RAPGEF1: variants seen among roughly 807,000 people sequenced by gnomAD.
RAPGEF1 encodes Rap guanine nucleotide exchange factor 1.
Under a neutral mutation model 143.3 loss-of-function variants are expected in RAPGEF1, and 33 were observed. The observed-to-expected ratio is 0.23, with a 90% CI of 0.17 to 0.31. RAPGEF1 has a LOEUF of 0.31. RAPGEF1 is among the 10% of genes least tolerant of loss of function. The pLI, the probability that RAPGEF1 is intolerant of heterozygous loss-of-function variation, is 1.00. For synonymous variants in RAPGEF1, 629 were observed against 676.5 expected (o/e 0.93, Z 1.09); for missense variants, 1,199 against 1,645.4 (o/e 0.73, Z 4.69).
At chr9:131,635,721 C>T (rs1298102061) in intron 5 of RAPGEF1, among the ~76,000 whole-genome samples, 1 of 151,420 alleles carries the variant, frequency 6.6e-6, no homozygotes, top group East Asian at 1.9e-4. Flanking sequence ...CTCAGGGTGT[C>T]ATGGTGCACA....
chr9:131,647,554 A>G (rs921847808), intron 3 of RAPGEF1, among the ~76,000 whole-genome samples: 1 of 152,198 alleles, frequency 6.6e-6, no homozygotes, highest in African/African-American at 2.4e-5. Flanking sequence ...GTGGTAAGAG[A>G]GCTAATGAAT....
intron 5 of RAPGEF1, among the ~76,000 whole-genome samples, chr9:131,637,981 C>G (rs562242058): frequency 2.6e-5 from 4 of 152,228 alleles, no homozygotes; most frequent in African/African-American, 9.6e-5. Flanking sequence ...CTGCCTGCAG[C>G]CCTGGCCCTG....
chr9:131,621,746 G>A lies in RAPGEF1; in HGVS notation c.1905+50C>T, dbSNP rs751856720. 3 of 1,529,350 alleles carry A rather than the reference G, an allele frequency of 2.0e-6. No homozygotes were observed. The highest frequency in any genetic ancestry group is 2.7e-6 in the Non-Finnish European group (3 of 1,130,658). 94.7% of individuals were successfully genotyped at this position (1,529,350 alleles called of 1,614,324 possible). A position where few individuals can be genotyped will look rare whatever the true frequency, so the allele number is the denominator to read the frequency against. ...CCAAGGAGGGTCATTCTGGTTCCTA[G>A]AGACCTGCTAGGATCGGAAGTTCTA... On this transcript the variant is annotated intron_variant, in intron 11 of 26. Transcript: ENST00000683357. This position sits in a 1 kb window ranked among gnomAD's most constrained non-coding sequence, Gnocchi z 4.5.
intron 25 of RAPGEF1, among the ~76,000 whole-genome samples, chr9:131,582,355 G>A (rs866265284): frequency 1.2e-4 from 18 of 151,442 alleles, no homozygotes; most frequent in African/African-American, 3.6e-4. Context: ...AGGAGAACCC[G>A]TATTCTTCAC....
At position 131,675,854 on chromosome 9, in the gene RAPGEF1, C is replaced by A. The variant is rs147663496; in HGVS notation, c.62-24905G>T. ...CAGAGAAAAGAACTAGGTGCAAAGT[C>A]ACAGCATGATTGGGAAACAGCCTGA... On this transcript the variant is annotated intron_variant, in intron 1 of 26. Transcript: ENST00000683357. The surrounding 1 kb of genome is among the most constrained non-coding windows in gnomAD (Gnocchi z 4.6). Among the ~76,000 whole-genome samples, 19 of 152,118 alleles carry A rather than the reference C, an allele frequency of 1.2e-4. No individual in the cohort carries two copies. The highest frequency in any genetic ancestry group is 2.6e-4 in the Non-Finnish European group (18 of 68,006).
Position 131,711,361 on chromosome 9 carries a change from C to CTTTT in RAPGEF1, c.61+28405_61+28408dup, listed in dbSNP as rs71374121. On this transcript the variant is annotated intron_variant, in intron 1 of 26. Coordinates refer to ENST00000683357, the MANE Select transcript of RAPGEF1 (RefSeq NM_001377935.1). ...GCCACTGCACTGTGCCTATTATCAC[C>CTTTT]TTTTTTTTTTTTTTGAGACAGAGTC... Among the ~76,000 whole-genome samples the CTTTT allele has an allele frequency of 1.8e-3, 239 of 130,320 alleles. 1 individual carries two copies. The highest frequency in any genetic ancestry group is 5.7e-3 in the South Asian group (23 of 4,066). The allele number at this position is 130,320 out of a possible 152,430, so 85.5% of individuals were successfully genotyped here. A position where few individuals can be genotyped will look rare whatever the true frequency, so the allele number is the denominator to read the frequency against.
intron 1 of RAPGEF1, among the ~76,000 whole-genome samples, chr9:131,690,081 G>C (rs560741906): frequency 6.6e-6 from 1 of 152,148 alleles, no homozygotes; most frequent in Non-Finnish European, 1.5e-5. Context: ...TGGTGCTCAT[G>C]TACAAAGTGC....
intron 1 of RAPGEF1, among the ~76,000 whole-genome samples, chr9:131,653,256 C>T (rs1182769735): frequency 3.3e-5 from 5 of 152,144 alleles, no homozygotes; most frequent in Non-Finnish European, 7.4e-5. Flanking sequence ...ACTTACGATA[C>T]CAAATACAAT....
At chr9:131,709,925 AC>A (rs1175534464) in intron 1 of RAPGEF1, 1 of 985,310 alleles carries the variant, frequency 1.0e-6, no homozygotes, top group East Asian at 1.1e-4. Flanking sequence ...TTATCGCCCT[AC>A]CGGTGCCTCT....
chr9:131,620,588 G>A (rs945349472), intron 11 of RAPGEF1, among the ~76,000 whole-genome samples: 10 of 152,236 alleles, frequency 6.6e-5, no homozygotes, highest in Middle Eastern at 3.4e-3. Context: ...CGTGCGACAC[G>A]GCTAACAAGT....
intron 17 of RAPGEF1, among the ~76,000 whole-genome samples, chr9:131,593,033 G>A (rs778066709): frequency 2.0e-5 from 3 of 152,208 alleles, no homozygotes; most frequent in South Asian, 2.1e-4. Flanking sequence ...GTGAGCCACC[G>A]TGCCTGGTCA....
At position 131,630,241 on chromosome 9, in the gene RAPGEF1, A is replaced by C. The variant is rs1397011221; in HGVS notation, c.735T>G (p.Pro245=). The C allele has an allele frequency of 6.2e-7, 1 of 1,613,628 alleles. No individual in the cohort carries two copies. The change falls in exon 6 of 27, where the codon CCT becomes CCG. Residue 245 remains proline (P), a synonymous_variant. Coordinates refer to ENST00000683357, the MANE Select transcript of RAPGEF1 (RefSeq NM_001377935.1). Reference sequence around the variant, plus strand: ...GAGGGTTAGTCAGCACCTACCCATCAGGCTTGCTGGCAGGGGAACTGGGCT... The same window carrying C: ...GAGGGTTAGTCAGCACCTACCCATCCGGCTTGCTGGCAGGGGAACTGGGCT... The part of the protein sequence containing the change: ...PVKPSSPASK[P]DGPAELPLTD...
intron 1 of RAPGEF1, among the ~76,000 whole-genome samples, chr9:131,653,711 G>A (rs184674504): frequency 2.7e-4 from 41 of 152,340 alleles, no homozygotes; most frequent in African/African-American, 9.9e-4. Flanking sequence ...TTTGGAAAAT[G>A]TCGGGCAGTT....
At chr9:131,700,597 G>T (rs1441672223) in intron 1 of RAPGEF1, among the ~76,000 whole-genome samples, 1 of 152,126 alleles carries the variant, frequency 6.6e-6, no homozygotes, top group Non-Finnish European at 1.5e-5. Flanking sequence ...ATCAATAAAT[G>T]AACAAATATA....
intron 12 of RAPGEF1, among the ~76,000 whole-genome samples, chr9:131,606,989 C>A (rs1031464263): frequency 1.3e-5 from 2 of 152,140 alleles, no homozygotes; most frequent in African/African-American, 4.8e-5. Context: ...CGAGGGACAA[C>A]GCAACCCTCT....
chr9:131,655,600 T>C lies in RAPGEF1; in HGVS notation c.62-4651A>G, dbSNP rs971188666. Reference sequence around the variant, plus strand: ...CCTTCATGTGATGCTTAAGAGGGTGTGCACTGTTAGCCAGGCCTGGTGGTA... The same window carrying C: ...CCTTCATGTGATGCTTAAGAGGGTGCGCACTGTTAGCCAGGCCTGGTGGTA... On this transcript the variant is annotated intron_variant, in intron 1 of 26. Transcript: ENST00000683357. This position sits in a 1 kb window ranked among gnomAD's most constrained non-coding sequence, Gnocchi z 4.1. 1.3e-5 allele frequency among the ~76,000 whole-genome samples: 2 copies of C among 152,152 alleles called. No individual in the cohort carries two copies. Among genetic ancestry groups the C allele is most frequent in the South Asian group, 4.2e-4 (2 of 4,818 alleles).
chr9:131,708,929 C>T (rs1167693819), intron 1 of RAPGEF1, among the ~76,000 whole-genome samples: 6 of 152,182 alleles, frequency 3.9e-5, no homozygotes, highest in Non-Finnish European at 7.3e-5. Context: ...GACGGGGTTT[C>T]GCCAGGTTGG....
intron 1 of RAPGEF1, among the ~76,000 whole-genome samples, chr9:131,680,047 T>G (rs892865802): frequency 2.4e-4 from 36 of 152,312 alleles, no homozygotes; most frequent in Admixed American, 1.7e-3. Context: ...AACTATAAAA[T>G]CAAAGCACAT....
intron 17 of RAPGEF1, among the ~76,000 whole-genome samples, chr9:131,594,459 C>T (rs1954888768): frequency 6.6e-6 from 1 of 152,144 alleles, no homozygotes; most frequent in African/African-American, 2.4e-5. Flanking sequence ...AGCCGTGCAA[C>T]CACAAAGCAC....
Sources: allele counts gnomAD v4.1 joint callset (sites outside exome capture counted in the v4.1 genomes callset), GRCh38; gene constraint gnomAD v4.1.1; non-coding constraint Gnocchi (gnomAD v3.1); transcripts MANE v1.5; gene names NCBI Gene and HGNC (gene_info 2026-07-23, HGNC 2026-07-21).